Variants in PDE4B observed in about 807,000 individuals in gnomAD.
The protein encoded by PDE4B is 3',5'-cyclic-AMP phosphodiesterase 4B.
PDE4B carries 20 observed loss-of-function variants against 82.2 expected under a neutral mutation model. The observed-to-expected ratio is 0.24, with a 90% CI of 0.17 to 0.35. The LOEUF is 0.35. Among genes scored for constraint, PDE4B ranks in the 10% least tolerant of loss-of-function variants. The probability of loss-of-function intolerance (pLI) is 1.00; values close to 1 mark genes in which losing one functional copy is unlikely to be tolerated. For synonymous variants in PDE4B, 320 were observed against 318.9 expected, an observed-to-expected ratio of 1.00 and a Z score of -0.04; for missense variants, 655 against 907.2, an observed-to-expected ratio of 0.72 and a Z score of 3.57.
chr1:66,113,166 A>G (rs982701779), intron 3 of PDE4B, among the ~76,000 whole-genome samples: 3 of 152,216 alleles, frequency 2.0e-5, no homozygotes, highest in African/African-American at 7.2e-5. Context: ...TGCACTGCAG[A>G]AATAAAACTA....
intron 1 of PDE4B, among the ~76,000 whole-genome samples, chr1:65,876,910 A>G (rs1646650647): frequency 6.6e-6 from 1 of 152,230 alleles, no homozygotes; most frequent in South Asian, 2.1e-4. Flanking sequence ...AGAGGACACA[A>G]GCAAATGGAA....
intron 8 of PDE4B, among the ~76,000 whole-genome samples, chr1:66,338,521 G>T (rs934947051): frequency 3.9e-5 from 6 of 152,134 alleles, no homozygotes; most frequent in African/African-American, 1.2e-4. Context: ...ATAGAAAATG[G>T]TTATAAAGTG....
At chr1:66,098,123 G>A (rs1645153288) in intron 3 of PDE4B, among the ~76,000 whole-genome samples, 1 of 152,056 alleles carries the variant, frequency 6.6e-6, no homozygotes, top group African/African-American at 2.4e-5. Flanking sequence ...TCAGAGTCAG[G>A]TTCTTTCTTC....
At position 66,227,680 on chromosome 1, in the gene PDE4B, T is replaced by G. The variant is rs552122054; in HGVS notation, c.282-19780T>G. On this transcript the variant is annotated intron_variant, in intron 3 of 16. Transcript: ENST00000341517. Reference sequence around the variant, plus strand: ...TTATTTTTTCACTTTTCAAAGAAAATGTACATACCTGCATGGACTACCCCT... The same window carrying G: ...TTATTTTTTCACTTTTCAAAGAAAAGGTACATACCTGCATGGACTACCCCT... Among the ~76,000 whole-genome samples, 3 of 152,276 alleles carry G rather than the reference T, an allele frequency of 2.0e-5. No individual in the cohort carries two copies. In the South Asian group the frequency reaches 6.2e-4, roughly 32 times the overall value.
rs1448725465 is a variant in PDE4B at position 66,270,953 on chromosome 1, T to A, written c.634+4866T>A. On this transcript the variant is annotated intron_variant, in intron 7 of 16. Coordinates refer to ENST00000341517, the MANE Select transcript of PDE4B (RefSeq NM_002600.4). ...CCTGCATATAAAATGATAGCAAAAA[T>A]GCACCAGAAAAGCCCCAGTTATTTT... Among the ~76,000 whole-genome samples, 8 of 152,230 alleles carry A rather than the reference T, an allele frequency of 5.3e-5. No homozygotes were observed. In the South Asian group the frequency reaches 1.7e-3, roughly 31 times the overall value.
chr1:66,137,446 A>ATAGGGGAT (rs1432606575), intron 3 of PDE4B, among the ~76,000 whole-genome samples: 2 of 152,220 alleles, frequency 1.3e-5, no homozygotes, highest in Non-Finnish European at 2.9e-5. Flanking sequence ...TCTCACTGAA[A>ATAGGGGAT]TAGGGGATAA....
chr1:65,880,837 G>A (rs1646700570), intron 1 of PDE4B, among the ~76,000 whole-genome samples: 1 of 149,360 alleles, frequency 6.7e-6, no homozygotes, highest in South Asian at 2.1e-4. Context: ...CCTATGGGAA[G>A]CAGTAATAGA....
In PDE4B at chr1:66,318,295, G is replaced by A. The variant is rs531747903; in HGVS notation, c.635-14213G>A. On this transcript the variant is annotated intron_variant, in intron 7 of 16. Coordinates refer to ENST00000341517, the MANE Select transcript of PDE4B (RefSeq NM_002600.4). Reference sequence around the variant, plus strand: ...AAAACAGGGATAATAACTATTTACTGGGGGTGTGGCAAAGATTAATTAAAT... The same window carrying A: ...AAAACAGGGATAATAACTATTTACTAGGGGTGTGGCAAAGATTAATTAAAT... Among the ~76,000 whole-genome samples, 3 of 152,248 alleles carry A rather than the reference G, an allele frequency of 2.0e-5. No homozygotes were observed. In the South Asian group the frequency reaches 6.2e-4, roughly 32 times the overall value.
intron 3 of PDE4B, among the ~76,000 whole-genome samples, chr1:66,223,754 T>C (rs2101612267): frequency 6.6e-6 from 1 of 152,178 alleles, no homozygotes; most frequent in African/African-American, 2.4e-5. Context: ...AGAGATCATT[T>C]TATTCCCTAC....
At chr1:65,904,749 C>T (rs1220475372) in intron 1 of PDE4B, among the ~76,000 whole-genome samples, 5 of 152,100 alleles carry the variant, frequency 3.3e-5, no homozygotes, top group Non-Finnish European at 7.3e-5. Flanking sequence ...TCCTGTCTCT[C>T]TGCCTTTTCC....
chr1:66,236,194 A>G (rs1578039), intron 3 of PDE4B, among the ~76,000 whole-genome samples: 17,264 of 151,990 alleles, frequency 0.11, 2,078 homozygotes, highest in African/African-American at 0.3. Context: ...TTAAAATTTT[A>G]ATAGTTACTT....
At chr1:66,200,714 T>C (rs1260097052) in intron 3 of PDE4B, among the ~76,000 whole-genome samples, 2 of 152,226 alleles carry the variant, frequency 1.3e-5, no homozygotes, top group African/African-American at 4.8e-5. Context: ...GAGACTTTGC[T>C]GAAGTTGCTT....
intron 13 of PDE4B, among the ~76,000 whole-genome samples, chr1:66,367,323 A>G (rs1663323195): frequency 1.3e-5 from 2 of 152,224 alleles, no homozygotes; most frequent in Non-Finnish European, 2.9e-5. Flanking sequence ...CATAAAGTTT[A>G]GTGGTACTTT....
At position 66,257,652 on chromosome 1, in the gene PDE4B, G is replaced by T. The variant is rs374832183; in HGVS notation, c.482G>T (p.Gly161Val). Residue 161 changes from glycine (G) to valine (V), a missense_variant, in exon 5 of 17, where the codon GGC (glycine) becomes GTC (valine). Physicochemically the swap from Gly to Val is moderately radical, Grantham distance 109. This residue lies in a region of PDE4B where 253 missense variants were observed against 275.6 expected (regional missense o/e 0.92). Coordinates refer to ENST00000341517, the MANE Select transcript of PDE4B (RefSeq NM_002600.4). ...RNSSLPSEQH[G>V]DDLIVTPFAQ... is the part of the protein sequence containing the mutation. ...TTTTTTTCTCTTTTCACCAGACACG[G>T]CGATGACTTGATTGTAACTCCTTTT... The T allele has an allele frequency of 9.3e-6, 15 of 1,613,412 alleles. No homozygotes were observed. The highest frequency in any genetic ancestry group is 1.3e-5 in the Non-Finnish European group (15 of 1,179,608).
At chr1:66,345,181 C>T (rs1436140530) in intron 8 of PDE4B, among the ~76,000 whole-genome samples, 2 of 151,038 alleles carry the variant, frequency 1.3e-5, no homozygotes, top group African/African-American at 4.8e-5. Context: ...AATGTCAAGA[C>T]ATAGAATCAA....
At chr1:66,069,151 T>G (rs1458029159) in intron 3 of PDE4B, among the ~76,000 whole-genome samples, 1 of 152,016 alleles carries the variant, frequency 6.6e-6, no homozygotes, top group Non-Finnish European at 1.5e-5. Context: ...TGGTCCTCTA[T>G]TGTGTATTTT....
At position 65,867,902 on chromosome 1, in the gene PDE4B, C is replaced by G. The variant is rs1646530005; in HGVS notation, c.-70-45343C>G. On this transcript the variant is annotated intron_variant, in intron 1 of 16. Transcript: ENST00000341517. Reference sequence around the variant, plus strand: ...TTACCATCTGTTCTCTCTAAAAATCCCTTTATTTCTCCACTGGCTTTGATA... The same window carrying G: ...TTACCATCTGTTCTCTCTAAAAATCGCTTTATTTCTCCACTGGCTTTGATA... Among the ~76,000 whole-genome samples, 5 of 152,138 alleles carry G rather than the reference C, an allele frequency of 3.3e-5. No individual in the cohort carries two copies. The South Asian group carries it at 1.0e-3, about 32-fold the overall frequency.
At chr1:65,880,047 A>G (rs1472698695) in intron 1 of PDE4B, among the ~76,000 whole-genome samples, 1 of 152,224 alleles carries the variant, frequency 6.6e-6, no homozygotes, top group Non-Finnish European at 1.5e-5. Flanking sequence ...CAAGACTTGC[A>G]AAGGTGATGC....
At chr1:66,321,685 A>T (rs1425637313) in intron 7 of PDE4B, among the ~76,000 whole-genome samples, 1 of 152,210 alleles carries the variant, frequency 6.6e-6, no homozygotes, top group Non-Finnish European at 1.5e-5. Flanking sequence ...ACACAAACAA[A>T]TGGAAGAACA....
Sources: allele counts gnomAD v4.1 joint callset (sites outside exome capture counted in the v4.1 genomes callset), GRCh38; gene constraint gnomAD v4.1.1; regional missense constraint gnomAD v4.1.1; transcripts MANE v1.5; gene names NCBI Gene and HGNC (gene_info 2026-07-23, HGNC 2026-07-21).